PIP4K2A: variants seen among roughly 807,000 people sequenced by gnomAD.
The protein encoded by PIP4K2A is phosphatidylinositol 5-phosphate 4-kinase type-2 alpha.
PIP4K2A carries 14 observed loss-of-function variants against 42.9 expected under a neutral mutation model. That is an observed-to-expected ratio of 0.33 (90% CI 0.22 to 0.51). The LOEUF (loss-of-function observed/expected upper bound fraction) is 0.51. Among genes scored for constraint, PIP4K2A ranks in the 20% least tolerant of loss-of-function variants. The pLI, the probability that PIP4K2A is intolerant of heterozygous loss-of-function variation, is 0.97. For missense variants in PIP4K2A, 434 were observed against 519.8 expected, an observed-to-expected ratio of 0.83 and a Z score of 1.61; for synonymous variants, 192 against 192.2, an observed-to-expected ratio of 1.00 and a Z score of 0.01.
chr10:22,613,576 G>A (rs368850959), intron 1 of PIP4K2A, among the ~76,000 whole-genome samples: 8 of 152,318 alleles, frequency 5.3e-5, no homozygotes, highest in African/African-American at 1.9e-4. Flanking sequence ...CCTGCTAAGA[G>A]TGAGAAGCAG....
chr10:22,648,331 T>C (rs1052574581), intron 1 of PIP4K2A, among the ~76,000 whole-genome samples: 1 of 152,244 alleles, frequency 6.6e-6, no homozygotes, highest in Non-Finnish European at 1.5e-5. Flanking sequence ...GTCTGCTTAG[T>C]AGTTACTCTG....
intron 6 of PIP4K2A, among the ~76,000 whole-genome samples, chr10:22,561,031 G>A (rs1836679579): frequency 6.6e-6 from 1 of 152,210 alleles, no homozygotes; most frequent in Admixed American, 6.5e-5. Flanking sequence ...ATGTCACACT[G>A]GAATTGCAGC....
chr10:22,688,743 G>A (rs954709007), intron 1 of PIP4K2A, among the ~76,000 whole-genome samples: 4 of 152,132 alleles, frequency 2.6e-5, no homozygotes, highest in African/African-American at 7.2e-5. Flanking sequence ...ATGAGCCACC[G>A]TGCCCAGCTG....
chr10:22,616,004 G>A (rs1023164587), intron 1 of PIP4K2A, among the ~76,000 whole-genome samples: 2 of 152,194 alleles, frequency 1.3e-5, no homozygotes, highest in Non-Finnish European at 2.9e-5. Flanking sequence ...GCAGGTGTGG[G>A]TCTGCACTGC....
chr10:22,693,027 A>G (rs1381246838), intron 1 of PIP4K2A, among the ~76,000 whole-genome samples: 2 of 152,238 alleles, frequency 1.3e-5, no homozygotes, highest in Non-Finnish European at 2.9e-5. Flanking sequence ...ATGGGACTCA[A>G]TAACAAATAG....
At chr10:22,640,743 T>C (rs527348479) in intron 1 of PIP4K2A, among the ~76,000 whole-genome samples, 3 of 152,216 alleles carry the variant, frequency 2.0e-5, no homozygotes, top group African/African-American at 4.8e-5. Flanking sequence ...TGACACTACG[T>C]TGCTTAAACA....
chr10:22,663,050 T>G (rs1258421885), intron 1 of PIP4K2A, among the ~76,000 whole-genome samples: 1 of 152,242 alleles, frequency 6.6e-6, no homozygotes, highest in Non-Finnish European at 1.5e-5. Flanking sequence ...CTGCCACTCC[T>G]AGTGACAGTA....
intron 1 of PIP4K2A, among the ~76,000 whole-genome samples, chr10:22,674,995 A>G (rs763591936): frequency 6.6e-6 from 1 of 152,040 alleles, no homozygotes; most frequent in Admixed American, 6.5e-5. Context: ...AAGTCCATCT[A>G]TATTTTTCAT....
At chr10:22,565,315 G>A (rs1397666863) in intron 6 of PIP4K2A, among the ~76,000 whole-genome samples, 1 of 152,214 alleles carries the variant, frequency 6.6e-6, no homozygotes, top group African/African-American at 2.4e-5. Context: ...GACCCCAAAC[G>A]GAGGGACCGG....
intron 1 of PIP4K2A, among the ~76,000 whole-genome samples, chr10:22,619,238 T>G (rs1838255839): frequency 6.6e-6 from 1 of 152,150 alleles, no homozygotes; most frequent in African/African-American, 2.4e-5. Context: ...TGGCTCTCAT[T>G]ACAACCTACC....
At chr10:22,644,948 C>T (rs966461994) in intron 1 of PIP4K2A, among the ~76,000 whole-genome samples, 1 of 152,174 alleles carries the variant, frequency 6.6e-6, no homozygotes, top group African/African-American at 2.4e-5. Flanking sequence ...TAGAAATTCC[C>T]AATCCATAAG....
At chr10:22,543,775 GTCC>G (rs1444831500) in intron 7 of PIP4K2A, among the ~76,000 whole-genome samples, 3 of 152,310 alleles carry the variant, frequency 2.0e-5, no homozygotes, top group Admixed American at 6.5e-5. Flanking sequence ...GCTCACTTGA[GTCC>G]TCCACCCGCA....
At chr10:22,600,186 C>A (rs1324662420) in intron 3 of PIP4K2A, among the ~76,000 whole-genome samples, 1 of 151,918 alleles carries the variant, frequency 6.6e-6, no homozygotes, top group Non-Finnish European at 1.5e-5. Flanking sequence ...TCACGTAAGT[C>A]TTGTATAATT....
intron 1 of PIP4K2A, among the ~76,000 whole-genome samples, chr10:22,616,912 T>C (rs1010115517): frequency 6.6e-6 from 1 of 152,264 alleles, no homozygotes; most frequent in African/African-American, 2.4e-5. Flanking sequence ...TAAATCTTAA[T>C]GAATCATACA....
intron 4 of PIP4K2A, among the ~76,000 whole-genome samples, chr10:22,586,043 T>C (rs1473985188): frequency 6.6e-6 from 1 of 152,264 alleles, no homozygotes; most frequent in Non-Finnish European, 1.5e-5. Context: ...ATTTTTTCCT[T>C]TTTGAATGTT....
intron 3 of PIP4K2A, among the ~76,000 whole-genome samples, chr10:22,601,393 C>T (rs573437221): frequency 6.6e-6 from 1 of 152,270 alleles, no homozygotes; most frequent in Admixed American, 6.5e-5. Flanking sequence ...GGACTTGAAA[C>T]AGTGCAAGAA....
chr10:22,574,976 C>T (rs904798213), intron 4 of PIP4K2A, among the ~76,000 whole-genome samples: 3 of 152,068 alleles, frequency 2.0e-5, no homozygotes, highest in Non-Finnish European at 2.9e-5. Context: ...GTAGAGAGAA[C>T]GTAGGTTTGC....
At chr10:22,676,584 G>T (rs1478233610) in intron 1 of PIP4K2A, among the ~76,000 whole-genome samples, 1 of 152,122 alleles carries the variant, frequency 6.6e-6, no homozygotes, top group Non-Finnish European at 1.5e-5. Flanking sequence ...AGGAACAAGG[G>T]CAAGAGACTA....
intron 1 of PIP4K2A, among the ~76,000 whole-genome samples, chr10:22,650,022 C>A (rs546942911): frequency 6.6e-6 from 1 of 152,238 alleles, no homozygotes; most frequent in East Asian, 1.9e-4. Flanking sequence ...TCCTTGGGGA[C>A]AGGGACTGTG....
Sources: gnomAD v4.1 joint callset for allele counts (sites outside exome capture counted in the v4.1 genomes callset) on GRCh38, gnomAD v4.1.1 for gene constraint, MANE v1.5 for transcripts, NCBI Gene and HGNC (gene_info 2026-07-23, HGNC 2026-07-21) for gene names.